MYO5B: variants seen among roughly 807,000 people sequenced by gnomAD.
MYO5B encodes unconventional myosin-Vb.
In MYO5B, 143 loss-of-function variants were observed where a neutral mutation model predicts 229.3. The observed-to-expected ratio is 0.62, with a 90% CI of 0.54 to 0.72. The LOEUF (loss-of-function observed/expected upper bound fraction) is 0.72. Ranked by LOEUF, MYO5B falls within the 30% of genes least tolerant of loss-of-function variation. MYO5B has a pLI of 0.00. For missense variants in MYO5B, 2,321 were observed against 2,331.0 expected, an observed-to-expected ratio of 1.00 and a Z score of 0.09; for synonymous variants, 918 against 885.2, an observed-to-expected ratio of 1.04 and a Z score of -0.66.
intron 10 of MYO5B, among the ~76,000 whole-genome samples, chr18:49,965,055 G>A (rs2025606865): frequency 6.6e-6 from 1 of 152,236 alleles, no homozygotes; most frequent in Admixed American, 6.5e-5. Flanking sequence ...CTGTGAGCCG[G>A]GGGAGAGTGT....
chr18:50,134,685 C>T (rs1599046665), intron 1 of MYO5B, among the ~76,000 whole-genome samples: 1 of 152,064 alleles, frequency 6.6e-6, no homozygotes, highest in Admixed American at 6.5e-5. Flanking sequence ...TGGGCTGCAC[C>T]GAGGCTCCAG....
rs945851288 is a variant in MYO5B at position 50,104,898 on chromosome 18, T to C, written c.28-49520A>G. ...GCATAAACACCAGCAATCACAGAAC[T>C]CCAAAGGCCAGAACAGCAACACTTG... On this transcript the variant is annotated intron_variant, in intron 1 of 39. Coordinates refer to ENST00000285039, the MANE Select transcript of MYO5B (RefSeq NM_001080467.3). Among the ~76,000 whole-genome samples, 6 of 151,964 alleles carry C rather than the reference T, an allele frequency of 3.9e-5. No individual in the cohort carries two copies. In the South Asian group the frequency reaches 1.2e-3, roughly 32 times the overall value.
At chr18:49,843,022 C>G (rs879324303) in intron 34 of MYO5B, among the ~76,000 whole-genome samples, 1 of 152,232 alleles carries the variant, frequency 6.6e-6, no homozygotes, top group Non-Finnish European at 1.5e-5. Flanking sequence ...GCTACCTACA[C>G]CAGAGTCCTC....
chr18:49,926,663 C>T (rs765815892), intron 17 of MYO5B, among the ~76,000 whole-genome samples: 4 of 152,232 alleles, frequency 2.6e-5, no homozygotes, highest in Non-Finnish European at 5.9e-5. Flanking sequence ...AAGCTCTGGA[C>T]TGGTTCAGTG....
intron 1 of MYO5B, among the ~76,000 whole-genome samples, chr18:50,125,018 C>T (rs1027555568): frequency 6.6e-5 from 10 of 151,986 alleles, no homozygotes; most frequent in Non-Finnish European, 7.4e-5. Flanking sequence ...CCAAGCCCAC[C>T]CTGACTCCTA....
At chr18:49,914,789 A>G (rs930703595) in intron 17 of MYO5B, among the ~76,000 whole-genome samples, 2 of 151,762 alleles carry the variant, frequency 1.3e-5, no homozygotes, top group Non-Finnish European at 2.9e-5. Context: ...AAAAAAAAAA[A>G]AAAAGAAAAG....
At position 49,825,938 on chromosome 18, in the gene MYO5B, C is replaced by T. The variant is rs2023838422; in HGVS notation, c.*533G>A. On this transcript the variant is annotated 3_prime_UTR_variant, in exon 40 of 40. Transcript: ENST00000285039. Reference sequence around the variant, plus strand: ...TAAAAAATATTTTGGGAATATTTCTCAGAAGTCTCATCCCCATATTTTTGT... The same window carrying T: ...TAAAAAATATTTTGGGAATATTTCTTAGAAGTCTCATCCCCATATTTTTGT... The T allele has an allele frequency of 6.2e-6, 1 of 161,876 alleles. No individual in the cohort carries two copies. The highest frequency in any genetic ancestry group is 1.7e-4 in the South Asian group (1 of 5,934). 10.0% of individuals were successfully genotyped at this position (161,876 alleles called of 1,614,324 possible).
intron 16 of MYO5B, among the ~76,000 whole-genome samples, chr18:49,931,159 G>A (rs1226166580): frequency 6.6e-6 from 1 of 152,124 alleles, no homozygotes; most frequent in Non-Finnish European, 1.5e-5. Context: ...CTTGATAGAT[G>A]GTGCCCTGGA....
intron 14 of MYO5B, 86 bp from the exon 15 acceptor site, chr18:49,937,483 C>G: frequency 1.3e-6 from 2 of 1,490,696 alleles, no homozygotes; most frequent in Non-Finnish European, 1.8e-6. Context: ...CAACATATAC[C>G]TGAGAACGGA....
intron 22 of MYO5B, among the ~76,000 whole-genome samples, chr18:49,882,334 A>T (rs1008466872): frequency 3.3e-5 from 4 of 122,998 alleles, no homozygotes; most frequent in African/African-American, 1.3e-4. Context: ...CCTCTATAAA[A>T]TGGAAACCCG....
chr18:49,903,774 T>C (rs1223311463), intron 20 of MYO5B, among the ~76,000 whole-genome samples: 1 of 152,242 alleles, frequency 6.6e-6, no homozygotes, highest in Non-Finnish European at 1.5e-5. Flanking sequence ...GCTTCAGATG[T>C]GTTGGTGTTA....
intron 22 of MYO5B, among the ~76,000 whole-genome samples, chr18:49,882,626 C>CAAAAAAAAAAAAAAAAAAAAAAAAAAAA (rs10683323): frequency 1.1e-5 from 1 of 93,830 alleles, no homozygotes; most frequent in Non-Finnish European, 2.0e-5. Flanking sequence ...GAAATCATCT[C>CAAAAAAAAAAAAAAAAAAAAAAAAAAAA]AAAAAAAAAA....
At chr18:50,114,356 T>C (rs912404555) in intron 1 of MYO5B, among the ~76,000 whole-genome samples, 2 of 152,200 alleles carry the variant, frequency 1.3e-5, no homozygotes, top group African/African-American at 2.4e-5. Context: ...GTCTCAACCA[T>C]GGCCCAGAGC....
chr18:50,054,259 G>C (rs957888643), intron 2 of MYO5B, among the ~76,000 whole-genome samples: 4 of 152,342 alleles, frequency 2.6e-5, no homozygotes, highest in South Asian at 4.1e-4. Context: ...AGCTACTCCA[G>C]GGGCTGAGGC....
intron 14 of MYO5B, among the ~76,000 whole-genome samples, chr18:49,942,588 T>C (rs1351802652): frequency 3.9e-5 from 6 of 151,982 alleles, no homozygotes; most frequent in Non-Finnish European, 8.8e-5. Context: ...AGAAGACATT[T>C]ATGCAGCCAA....
rs1211004248 is a variant in MYO5B, at chr18:49,823,980, C to A, written c.*2491G>T. ...CACAGCAACACTTATTTCAGAGAAA[C>A]AACTGATGTCAGTTATCTTAGTAAC... is the stretch of plus-strand genomic sequence containing the variant. On this transcript the variant is annotated 3_prime_UTR_variant, in exon 40 of 40. Coordinates refer to ENST00000285039, the MANE Select transcript of MYO5B (RefSeq NM_001080467.3). 2 of 152,656 alleles carry A rather than the reference C, an allele frequency of 1.3e-5. No homozygotes were observed. Among genetic ancestry groups the A allele is most frequent in the Middle Eastern group, 3.4e-3 (1 of 294 alleles). The allele number at this position is 152,656 out of a possible 1,614,324, so 9.5% of individuals were successfully genotyped here.
intron 4 of MYO5B, among the ~76,000 whole-genome samples, chr18:50,003,461 C>A (rs1011318117): frequency 6.6e-6 from 1 of 152,166 alleles, no homozygotes; most frequent in Non-Finnish European, 1.5e-5. Context: ...TCTAAAGCAG[C>A]CTGGGGATGT....
chr18:50,106,586 A>G (rs1250915685), intron 1 of MYO5B, among the ~76,000 whole-genome samples: 1 of 152,130 alleles, frequency 6.6e-6, no homozygotes, highest in Non-Finnish European at 1.5e-5. Context: ...TGTGCCTGGA[A>G]TGCTCGCCCA....
intron 10 of MYO5B, 111 bp from the exon 11 acceptor site, chr18:49,963,141 C>T (rs1039746730): frequency 2.4e-6 from 2 of 830,492 alleles, no homozygotes; most frequent in Non-Finnish European, 4.2e-6. Flanking sequence ...TACAGAATCC[C>T]CATTGTCTCA....
Sources: allele counts gnomAD v4.1 joint callset (sites outside exome capture counted in the v4.1 genomes callset), GRCh38; gene constraint gnomAD v4.1.1; transcripts MANE v1.5; gene names NCBI Gene and HGNC (gene_info 2026-07-23, HGNC 2026-07-21).